Variants in NPRL3 observed in about 807,000 individuals in gnomAD.
NPRL3 encodes the protein GATOR1 complex protein NPRL3.
NPRL3 carries 23 observed loss-of-function variants against 57.2 expected under a neutral mutation model. That is an observed-to-expected ratio of 0.40 (90% confidence interval 0.29 to 0.57). The LOEUF is 0.57. Among genes scored for constraint, NPRL3 ranks in the 20% least tolerant of loss-of-function variants. NPRL3 has a pLI of 0.42. For synonymous variants in NPRL3, 333 were observed against 321.1 expected, an observed-to-expected ratio of 1.04 and a Z score of -0.39; for missense variants, 691 against 767.1, an observed-to-expected ratio of 0.90 and a Z score of 1.17.
chr16:123,681 A>C, intron 3 of NPRL3: 1 of 411,110 alleles, frequency 2.4e-6, no homozygotes, highest in Non-Finnish European at 4.9e-6. Flanking sequence ...TTAACTGTTG[A>C]CCATCACGAC....
intron 13 of NPRL3, among the ~76,000 whole-genome samples, chr16:88,457 G>C (rs1330004238): frequency 6.6e-6 from 1 of 151,952 alleles, no homozygotes; most frequent in Admixed American, 6.5e-5. Flanking sequence ...AGAAGTACTG[G>C]AGAGAGAAGA....
chr16:95,637 A>G (rs1898974536), intron 9 of NPRL3, among the ~76,000 whole-genome samples: 1 of 152,088 alleles, frequency 6.6e-6, no homozygotes, highest in Non-Finnish European at 1.5e-5. Context: ...GTGTAAAATC[A>G]CAATTCACTG....
At chr16:133,658 T>G (rs1900919855) in intron 2 of NPRL3, among the ~76,000 whole-genome samples, 1 of 152,214 alleles carries the variant, frequency 6.6e-6, no homozygotes, top group Non-Finnish European at 1.5e-5. Flanking sequence ...GGTGCAGGCC[T>G]GGCTTGGAGT....
chr16:98,669 G>A (rs571504277), intron 8 of NPRL3, among the ~76,000 whole-genome samples: 2 of 152,372 alleles, frequency 1.3e-5, no homozygotes, highest in African/African-American at 2.4e-5. Flanking sequence ...GCCAAGGACT[G>A]GCTCATGCCT....
At chr16:123,581 A>C (rs2141967981) in intron 3 of NPRL3, 1 of 468,244 alleles carries the variant, frequency 2.1e-6, no homozygotes. Flanking sequence ...ACCAAACAAA[A>C]ACATATCACT....
At chr16:105,704 C>A (rs757373388) in intron 7 of NPRL3, among the ~76,000 whole-genome samples, 1 of 152,234 alleles carries the variant, frequency 6.6e-6, no homozygotes, top group Non-Finnish European at 1.5e-5. Flanking sequence ...GTTATTCCCA[C>A]CCACACATTC....
At chr16:130,907 T>G (rs2141981806) in intron 2 of NPRL3, among the ~76,000 whole-genome samples, 1 of 152,350 alleles carries the variant, frequency 6.6e-6, no homozygotes, top group East Asian at 1.9e-4. Flanking sequence ...GGTCAGTGGT[T>G]ACAGAGTTTC....
In NPRL3 at chr16:88,711, G is replaced by A. The variant is rs747602641; in HGVS notation, c.1531C>T (p.Arg511Cys). The A allele has an allele frequency of 5.6e-6, 9 of 1,609,788 alleles. No individual in the cohort carries two copies. Among genetic ancestry groups the A allele is most frequent in the African/African-American group, 2.7e-5 (2 of 74,864 alleles). Residue 511 changes from arginine (R) to cysteine (C), a missense_variant, in exon 13 of 14, where the codon CGC becomes TGC. By Grantham distance (180) the Arg-to-Cys change is radical. Coordinates refer to ENST00000611875, the MANE Select transcript of NPRL3 (RefSeq NM_001077350.3). ...ACCTACACCCACCTGGCAAACATGC[G>A]GAGGTCCTCAGGGTTCTGGGCTGCG... is the stretch of plus-strand genomic sequence containing the variant. ...VPAAQNPEDL[R>C]MFARLLHYFR...
At chr16:99,377 G>A (rs879690576) in intron 8 of NPRL3, among the ~76,000 whole-genome samples, 1 of 152,180 alleles carries the variant, frequency 6.6e-6, no homozygotes, top group Non-Finnish European at 1.5e-5. Flanking sequence ...AGGGCATGGT[G>A]GCTAACACCT....
At chr16:126,630 G>A (rs996043695) in intron 3 of NPRL3, among the ~76,000 whole-genome samples, 35 of 152,106 alleles carry the variant, frequency 2.3e-4, no homozygotes, top group African/African-American at 7.7e-4. Flanking sequence ...GCCTTTCTGA[G>A]GGACACCAGG....
At chr16:110,223 C>G (rs1016077865) in intron 7 of NPRL3, among the ~76,000 whole-genome samples, 5 of 152,106 alleles carry the variant, frequency 3.3e-5, no homozygotes, top group Non-Finnish European at 5.9e-5. Flanking sequence ...GAGCCGAGAT[C>G]GTGCCGCTGC....
At chr16:111,278 T>C (rs1413255241) in intron 6 of NPRL3, among the ~76,000 whole-genome samples, 1 of 151,826 alleles carries the variant, frequency 6.6e-6, no homozygotes. Flanking sequence ...CGGGCGCCTG[T>C]AGTCCCAGCT....
intron 3 of NPRL3, among the ~76,000 whole-genome samples, chr16:128,561 G>T (rs1463100404): frequency 6.6e-6 from 1 of 152,206 alleles, no homozygotes; most frequent in Non-Finnish European, 1.5e-5. Flanking sequence ...AAGGTCAGGA[G>T]ATCGAGACCG....
rs557276343 is a variant in NPRL3 at position 86,489 on chromosome 16, C to T, written c.*216G>A. 40 of 562,548 alleles carry T rather than the reference C, an allele frequency of 7.1e-5. No homozygotes were observed. Among genetic ancestry groups the T allele is most frequent in the East Asian group, 8.7e-5 (3 of 34,576 alleles). 34.8% of individuals were successfully genotyped at this position (562,548 alleles called of 1,614,324 possible). Reference sequence around the variant, plus strand: ...GCGTGCGGCAAGGACTGGAGGGAAGCGTAGGAACACAGAGGGCAGCAGCCC... The same window carrying T: ...GCGTGCGGCAAGGACTGGAGGGAAGTGTAGGAACACAGAGGGCAGCAGCCC... On this transcript the variant is annotated 3_prime_UTR_variant, in exon 14 of 14. Coordinates refer to ENST00000611875, the MANE Select transcript of NPRL3 (RefSeq NM_001077350.3).
Position 138,179 on chromosome 16 carries a change from C to G in NPRL3, c.89G>C (p.Arg30Thr). Residue 30 changes from arginine to threonine, a missense_variant, in exon 2 of 14, where the codon AGA (arginine) becomes ACA (threonine). By Grantham distance (71) the Arg-to-Thr change is moderately conservative. Transcript: ENST00000611875. ...NKLLFRYPFQRSQEHPASQTS... is the reference protein window; with the variant it reads ...NKLLFRYPFQTSQEHPASQTS... ...CTGGGACGCCGGGTGCTCCTGGCTTCTCTGGAAGGGGTACCTGAACAGCAG... is the reference window on the plus strand; with the variant it reads ...CTGGGACGCCGGGTGCTCCTGGCTTGTCTGGAAGGGGTACCTGAACAGCAG... 1 of 1,608,738 alleles carries G rather than the reference C, an allele frequency of 6.2e-7. No individual in the cohort carries two copies. The highest frequency in any genetic ancestry group is 8.5e-7 in the Non-Finnish European group (1 of 1,178,032).
chr16:119,537 T>C (rs1301353924), intron 3 of NPRL3: 1 of 436,366 alleles, frequency 2.3e-6, no homozygotes, highest in South Asian at 2.5e-5. Context: ...AGAGAAACAG[T>C]TGCAGTTTGC....
In NPRL3 at chr16:138,289, G is replaced by A. The variant is rs1567152135; in HGVS notation, c.-22C>T. ...GCATCCCGCCGTGGGGCCGGGGCCG[G>A]GGGCGGAGGGGGCCAGAGGAGGACG... On this transcript the variant is annotated 5_prime_UTR_variant, in exon 2 of 14. Coordinates refer to ENST00000611875, the MANE Select transcript of NPRL3 (RefSeq NM_001077350.3). 1.3e-6 allele frequency: 2 copies of A among 1,564,080 alleles called. No homozygotes were observed. The highest frequency in any genetic ancestry group is 1.9e-5 in the Admixed American group (1 of 53,232).
Position 133,450 on chromosome 16 carries a change from T to G in NPRL3, c.119-2859A>C, listed in dbSNP as rs561650721. On this transcript the variant is annotated intron_variant, in intron 2 of 13. Transcript: ENST00000611875. ...TTTCACCATGTTGTCCAGGCTGGTC[T>G]CGAACTTCTGACCTCGTGATCCGCC... is the stretch of plus-strand genomic sequence containing the variant. 2.9e-3 allele frequency among the ~76,000 whole-genome samples: 437 copies of G among 152,250 alleles called. 3 individuals are homozygous for G. Among genetic ancestry groups the G allele is most frequent in the Non-Finnish European group, 4.5e-3 (307 of 68,008 alleles).
chr16:126,445 AATT>A (rs1567146146), intron 3 of NPRL3: 2 of 138,012 alleles, frequency 1.4e-5, no homozygotes, highest in Non-Finnish European at 3.1e-5. Context: ...TAATAATAAT[AATT>A]AATAATAATA....
Sources: allele counts gnomAD v4.1 joint callset (sites outside exome capture counted in the v4.1 genomes callset), GRCh38; gene constraint gnomAD v4.1.1; transcripts MANE v1.5; gene names NCBI Gene and HGNC (gene_info 2026-07-23, HGNC 2026-07-21).